TMEM80: variants seen among roughly 807,000 people sequenced by gnomAD.
TMEM80 encodes transmembrane protein 80.
In TMEM80, 16 loss-of-function variants were observed where a neutral mutation model predicts 13.6. The observed-to-expected ratio is 1.17, with a 90% CI of 0.79 to 1.78. The LOEUF (loss-of-function observed/expected upper bound fraction) is 1.78, where lower values mean the gene tolerates loss of function less well. Ranked by LOEUF, TMEM80 falls within the 40% of genes most tolerant of loss-of-function variation. The pLI is 0.00. For synonymous variants in TMEM80, 92 were observed against 89.5 expected, an observed-to-expected ratio of 1.03 and a Z score of -0.16; for missense variants, 167 against 184.6, an observed-to-expected ratio of 0.90 and a Z score of 0.55.
chr11:700,496 C>T, intron 3 of TMEM80, 119 bp from the exon 4 acceptor site: 2 of 868,704 alleles, frequency 2.3e-6, no homozygotes, highest in South Asian at 1.4e-5. Context: ...CACTGAACTC[C>T]ATCCTGGGTG....
intron 1 of TMEM80, among the ~76,000 whole-genome samples, chr11:696,072 G>A (rs993903353): frequency 6.6e-6 from 1 of 151,968 alleles, no homozygotes; most frequent in Non-Finnish European, 1.5e-5. Flanking sequence ...GCCTGGCCCC[G>A]GGCAGGGTGG....
At chr11:701,690 T>G (rs1215991477) in intron 4 of TMEM80, among the ~76,000 whole-genome samples, 3 of 151,962 alleles carry the variant, frequency 2.0e-5, no homozygotes, top group South Asian at 2.1e-4. Context: ...ATTACAGGCG[T>G]GAGCCACCGC....
chr11:697,964 C>T (rs1230554978), intron 1 of TMEM80: 2 of 152,280 alleles, frequency 1.3e-5, no homozygotes, highest in Non-Finnish European at 1.5e-5. Context: ...CACAAAATCT[C>T]ACCAACGCCA....
chr11:702,243 C>T (rs1486755564), intron 4 of TMEM80, among the ~76,000 whole-genome samples: 1 of 152,250 alleles, frequency 6.6e-6, no homozygotes, highest in Non-Finnish European at 1.5e-5. Flanking sequence ...AGTGTCTTGT[C>T]TGCACTTACG....
intron 1 of TMEM80, among the ~76,000 whole-genome samples, chr11:698,196 G>T (rs1003815444): frequency 6.6e-6 from 1 of 152,110 alleles, no homozygotes; most frequent in Non-Finnish European, 1.5e-5. Context: ...TCCGCTCCAG[G>T]TCAGCGTGGA....
Position 703,404 on chromosome 11 carries a change from C to G in TMEM80, c.*254C>G. 1 of 1,346,358 alleles carries G rather than the reference C, an allele frequency of 7.4e-7. No homozygotes were observed. The highest frequency in any genetic ancestry group is 9.5e-7 in the Non-Finnish European group (1 of 1,054,476). 83.4% of individuals were successfully genotyped at this position (1,346,358 alleles called of 1,614,324 possible). A position where few individuals can be genotyped will look rare whatever the true frequency, so the allele number is the denominator to read the frequency against. The stretch of plus-strand genomic sequence containing the variant: ...GACAGAACTGCCTTCAAGATGAGTC[C>G]CAGGAGCGCACACTCAGCCCTGTCA... On this transcript the variant is annotated 3_prime_UTR_variant, in exon 5 of 5. Coordinates refer to ENST00000397510, the MANE Select transcript of TMEM80 (RefSeq NM_001042463.3).
intron 4 of TMEM80, 60 bp downstream of exon 4, chr11:700,767 G>A (rs747874890): frequency 1.4e-6 from 2 of 1,428,560 alleles, no homozygotes; most frequent in Non-Finnish European, 2.0e-6. Flanking sequence ...TGTTTCCACA[G>A]CCTTTCAAGA....
chr11:700,186 G>A lies in TMEM80; in HGVS notation c.84G>A (p.Thr28=), dbSNP rs757919483. The A allele has an allele frequency of 9.3e-6, 15 of 1,614,042 alleles. No homozygotes were observed. Among genetic ancestry groups the A allele is most frequent in the East Asian group, 6.7e-5 (3 of 44,898 alleles). ...PLQMLFYLSG[T]YYALYFLATL... ...AAATGCTGTTTTATCTCAGCGGAAC[G>A]TACTACGCCCTGTATTTCCTCGCCA... Residue 28 remains threonine, a synonymous_variant, in exon 3 of 5, where the codon ACG becomes ACA. Coordinates refer to ENST00000397510, the MANE Select transcript of TMEM80 (RefSeq NM_001042463.3).
Position 703,174 on chromosome 11 carries a change from C to T in TMEM80, c.*24C>T, listed in dbSNP as rs905321252. The T allele has an allele frequency of 1.3e-6, 2 of 1,585,238 alleles. No individual in the cohort carries two copies. The highest frequency in any genetic ancestry group is 1.1e-5 in the South Asian group (1 of 88,652). The stretch of plus-strand genomic sequence containing the variant: ...AGCTACGGACACCCGGGATACCCCA[C>T]ACTGGGGCCCTCCTCCTGGGCCTGA... On this transcript the variant is annotated 3_prime_UTR_variant, in exon 5 of 5. Transcript: ENST00000397510.
In TMEM80 at chr11:703,121, G is replaced by T. The variant is rs757037538; in HGVS notation, c.403G>T (p.Val135Leu). The change falls in exon 5 of 5, where the codon GTG becomes TTG. Residue 135 changes from valine (V) to leucine (L), a missense_variant. Val to Leu is a conservative substitution (Grantham distance 32, BLOSUM62 1). Transcript: ENST00000397510. ...ALHGLEAVLQ[V>L]VAIAAFTR ...TCACGGCCTGGAGGCCGTCCTGCAG[G>T]TGGTTGCCATCGCGGCCTTCACCAG... 6 of 1,609,226 alleles carry T rather than the reference G, an allele frequency of 3.7e-6. No individual in the cohort carries two copies. The South Asian group carries it at 6.6e-5, about 18-fold the overall frequency.
chr11:697,493 G>C (rs1861251863), intron 1 of TMEM80: 1 of 152,198 alleles, frequency 6.6e-6, no homozygotes. Context: ...TCTGGTTATA[G>C]CCGCCCTTCA....
intron 2 of TMEM80, chr11:699,567 T>G: frequency 5.9e-5 from 9 of 153,294 alleles, no homozygotes; most frequent in South Asian, 4.1e-4. Flanking sequence ...GCCAACATGG[T>G]GAAACCCTGT....
chr11:695,985 C>A, intron 1 of TMEM80, 139 bp downstream of exon 1: 1 of 715,976 alleles, frequency 1.4e-6, no homozygotes. Flanking sequence ...AGCTCCGTCA[C>A]CCCATCGAGA....
chr11:701,370 GTTTTGT>G (rs1024569758), intron 4 of TMEM80, among the ~76,000 whole-genome samples: 1 of 104,806 alleles, frequency 9.5e-6, no homozygotes, highest in African/African-American at 3.5e-5. Flanking sequence ...GTTTTGTTTT[GTTTTGT>G]TTTTTTTTGG....
In TMEM80 at chr11:703,087, C is replaced by T. The variant is rs560710224; in HGVS notation, c.369C>T (p.Leu123=). 1.4e-5 allele frequency: 23 copies of T among 1,612,180 alleles called. No homozygotes were observed. The South Asian group carries it at 1.9e-4, about 13-fold the overall frequency. The change falls in exon 5 of 5, where the codon CTC becomes CTT. Residue 123 remains leucine, a synonymous_variant. Transcript: ENST00000397510. ...CGGACTGGGCCCTCAGCGCCACGCT[C>T]CTGGCCCTTCACGGCCTGGAGGCCG... The part of the protein sequence containing the change: ...LWADWALSAT[L]LALHGLEAVL...
chr11:704,814 G>A (rs949144950), downstream of TMEM80: 91 of 426,200 alleles, frequency 2.1e-4, 1 homozygote, highest in Middle Eastern at 1.2e-3. Context: ...ACAGGCACCC[G>A]TTTAGGAGTG....
At position 703,630 on chromosome 11, in the gene TMEM80, T is replaced by C. The variant is rs1247026938; in HGVS notation, c.*480T>C. 8.1e-7 allele frequency: 1 copy of C among 1,232,738 alleles called. No homozygotes were observed. Among genetic ancestry groups the C allele is most frequent in the African/African-American group, 1.6e-5 (1 of 64,436 alleles). 76.4% of individuals were successfully genotyped at this position (1,232,738 alleles called of 1,614,324 possible). On this transcript the variant is annotated 3_prime_UTR_variant, in exon 5 of 5. Coordinates refer to ENST00000397510, the MANE Select transcript of TMEM80 (RefSeq NM_001042463.3). ...CCCCACCTGTGTTTCCAAGTCGGGC[T>C]GGAGACGCAGGATGGGGTAGGCCTT...
chr11:701,384 T>C (rs1221543277), intron 4 of TMEM80, among the ~76,000 whole-genome samples: 10 of 144,392 alleles, frequency 6.9e-5, no homozygotes, highest in Non-Finnish European at 1.5e-4. Flanking sequence ...TGTTTTTTTT[T>C]GGTAGAGACG....
At chr11:701,011 A>G (rs1248036201) in intron 4 of TMEM80, 10 of 454,582 alleles carry the variant, frequency 2.2e-5, no homozygotes, top group Admixed American at 2.0e-4. Context: ...CCACATCTGG[A>G]GCTCCGGAAT....
Sources: allele counts gnomAD v4.1 joint callset (sites outside exome capture counted in the v4.1 genomes callset), GRCh38; gene constraint gnomAD v4.1.1; transcripts MANE v1.5; gene names NCBI Gene and HGNC (gene_info 2026-07-23, HGNC 2026-07-21).